The following MED27 variants were observed in gnomAD, a reference collection of about 807,000 sequenced individuals.
MED27 encodes the protein mediator complex subunit 27.
Under a neutral mutation model 38.2 loss-of-function variants are expected in MED27, and 30 were observed. That is an observed-to-expected ratio of 0.79 (90% CI 0.59 to 1.07). MED27 has a LOEUF of 1.07. Ranked by LOEUF, MED27 falls within the 50% of genes least tolerant of loss-of-function variation. The pLI is 0.00. For synonymous variants in MED27, 122 were observed against 153.5 expected (o/e 0.79, Z 1.52); for missense variants, 289 against 397.5 (o/e 0.73, Z 2.32).
At chr9:131,928,488 G>A (rs1196031938) in intron 4 of MED27, among the ~76,000 whole-genome samples, 1 of 152,248 alleles carries the variant, frequency 6.6e-6, no homozygotes, top group East Asian at 1.9e-4. Flanking sequence ...ACAGTCTTGA[G>A]TGACACCACT....
At chr9:131,875,475 A>G (rs996769655) in intron 6 of MED27, among the ~76,000 whole-genome samples, 6 of 152,120 alleles carry the variant, frequency 3.9e-5, no homozygotes, top group Admixed American at 3.3e-4. Context: ...TATGGGAAGC[A>G]CAGATGGAAG....
intron 3 of MED27, among the ~76,000 whole-genome samples, chr9:131,970,691 G>A (rs568598786): frequency 6.6e-6 from 1 of 152,156 alleles, no homozygotes; most frequent in East Asian, 1.9e-4. Context: ...AATGAGAACT[G>A]GCAAAACTCA....
At chr9:132,021,070 C>T (rs142288334) in intron 2 of MED27, among the ~76,000 whole-genome samples, 1,604 of 152,314 alleles carry the variant, frequency 0.011, 23 homozygotes, top group Admixed American at 0.016. Flanking sequence ...TATTTATATG[C>T]TAAATGCCAT....
chr9:132,028,531 A>C (rs922050358), intron 2 of MED27, among the ~76,000 whole-genome samples: 35 of 152,006 alleles, frequency 2.3e-4, no homozygotes, highest in Middle Eastern at 3.4e-3. Context: ...AAATCCAAAG[A>C]GGTCTGTAGG....
chr9:131,945,962 A>T (rs1049787073), intron 3 of MED27, among the ~76,000 whole-genome samples: 1 of 134,428 alleles, frequency 7.4e-6, no homozygotes, highest in East Asian at 2.2e-4. Flanking sequence ...ATCAGACCCT[A>T]TCTCTTAAAA....
intron 4 of MED27, among the ~76,000 whole-genome samples, chr9:131,909,770 A>G (rs1464337887): frequency 6.6e-6 from 1 of 152,116 alleles, no homozygotes; most frequent in Admixed American, 6.5e-5. Context: ...ACCAAACAAC[A>G]CTGTTTGGGT....
intron 2 of MED27, among the ~76,000 whole-genome samples, chr9:132,067,584 T>C (rs773131709): frequency 3.9e-5 from 6 of 152,208 alleles, no homozygotes; most frequent in Non-Finnish European, 8.8e-5. Flanking sequence ...GAGAGGAAGC[T>C]GTGCACTAAA....
chr9:131,936,845 C>A (rs1455135635), intron 4 of MED27, among the ~76,000 whole-genome samples: 1 of 152,144 alleles, frequency 6.6e-6, no homozygotes, highest in Admixed American at 6.5e-5. Context: ...GGAGGAAATG[C>A]CGTTTTATTT....
intron 2 of MED27, among the ~76,000 whole-genome samples, chr9:132,064,205 G>C (rs1182346948): frequency 6.6e-6 from 1 of 152,206 alleles, no homozygotes; most frequent in African/African-American, 2.4e-5. Flanking sequence ...ACTGGATGAA[G>C]AGCAGGTGGG....
At chr9:132,061,867 A>G (rs1833704215) in intron 2 of MED27, among the ~76,000 whole-genome samples, 1 of 152,214 alleles carries the variant, frequency 6.6e-6, no homozygotes, top group Non-Finnish European at 1.5e-5. Context: ...AACTGCCTCA[A>G]AATAATCAGG....
chr9:132,069,793 A>C (rs141035992), intron 2 of MED27, among the ~76,000 whole-genome samples: 3 of 152,328 alleles, frequency 2.0e-5, no homozygotes, highest in Non-Finnish European at 4.4e-5. Context: ...ACCGATGAGG[A>C]AGGTGAAACC....
chr9:132,079,134 C>T lies in MED27; in HGVS notation c.203+508G>A, dbSNP rs529760595. On this transcript the variant is annotated intron_variant, in intron 1 of 7. Transcript: ENST00000292035. ...GAGCGGTTAGGGGAAAAGGTGAAGA[C>T]AGCTCAAGGCCTGGCCGGTCCGTCG... is the stretch of plus-strand genomic sequence containing the variant. 7.2e-5 allele frequency among the ~76,000 whole-genome samples: 11 copies of T among 152,280 alleles called. No homozygotes were observed. In the East Asian group the frequency reaches 2.1e-3, roughly 29 times the overall value.
chr9:131,928,340 T>TC (rs1564286517), intron 4 of MED27, among the ~76,000 whole-genome samples: 2 of 151,256 alleles, frequency 1.3e-5, no homozygotes, highest in Non-Finnish European at 2.9e-5. Flanking sequence ...CCCCCGACCA[T>TC]CCCCCCTGCA....
At chr9:132,017,025 G>A (rs1266352251) in intron 2 of MED27, among the ~76,000 whole-genome samples, 2 of 152,142 alleles carry the variant, frequency 1.3e-5, no homozygotes, top group Admixed American at 6.5e-5. Context: ...CTTGAGAGCT[G>A]ACTCATAAGG....
intron 3 of MED27, among the ~76,000 whole-genome samples, chr9:131,970,153 C>T (rs1831443834): frequency 6.6e-6 from 1 of 152,242 alleles, no homozygotes; most frequent in Non-Finnish European, 1.5e-5. Context: ...CATGCAGATG[C>T]CCACAAACCC....
Position 131,872,008 on chromosome 9 carries a change from G to C in MED27, c.724-8868C>G, listed in dbSNP as rs946151136. ...GCTCCCGAGTGCCCAAAGGTCATGG[G>C]CATCATCTGGCCCCAGGGGGCATGC... On this transcript the variant is annotated intron_variant, in intron 6 of 7. Transcript: ENST00000292035. The surrounding 1 kb of genome is among the most constrained non-coding windows in gnomAD (Gnocchi z 5.6). Among the ~76,000 whole-genome samples the C allele has an allele frequency of 1.3e-5, 2 of 152,204 alleles. No homozygotes were observed. Among genetic ancestry groups the C allele is most frequent in the African/African-American group, 4.8e-5 (2 of 41,464 alleles).
At chr9:131,979,517 C>T (rs866830421) in intron 3 of MED27, among the ~76,000 whole-genome samples, 5 of 147,806 alleles carry the variant, frequency 3.4e-5, no homozygotes, top group Admixed American at 1.4e-4. Context: ...CCACAATAAC[C>T]CAATCTGGAT....
chr9:131,992,152 C>T (rs1781518551), intron 3 of MED27, among the ~76,000 whole-genome samples: 1 of 152,114 alleles, frequency 6.6e-6, no homozygotes, highest in African/African-American at 2.4e-5. Flanking sequence ...AAACAATGTC[C>T]TTCCACGTGT....
chr9:131,973,661 A>G (rs1197721408), intron 3 of MED27, among the ~76,000 whole-genome samples: 3 of 151,758 alleles, frequency 2.0e-5, no homozygotes, highest in East Asian at 3.9e-4. Flanking sequence ...GAGGAAGAAC[A>G]GCAGTTTACA....
Sources: gnomAD v4.1 joint callset for allele counts (sites outside exome capture counted in the v4.1 genomes callset) on GRCh38, gnomAD v4.1.1 for gene constraint, Gnocchi (gnomAD v3.1) non-coding constraint, MANE v1.5 for transcripts, NCBI Gene and HGNC (gene_info 2026-07-23, HGNC 2026-07-21) for gene names.